SEMA3D: variants seen among roughly 807,000 people sequenced by gnomAD.
The protein encoded by SEMA3D is semaphorin-3D.
In SEMA3D, 84 loss-of-function variants were observed where a neutral mutation model predicts 100.1. The observed-to-expected ratio is 0.84, with a 90% CI of 0.70 to 1.01. The LOEUF is 1.01. Among genes scored for constraint, SEMA3D ranks in the 50% least tolerant of loss-of-function variants. The pLI, the probability that SEMA3D is intolerant of heterozygous loss-of-function variation, is 0.00. For missense variants in SEMA3D, 875 were observed against 934.1 expected (o/e 0.94, Z 0.82); for synonymous variants, 312 against 320.7 (o/e 0.97, Z 0.29).
intron 4 of SEMA3D, among the ~76,000 whole-genome samples, chr7:85,088,387 G>A (rs1788285525): frequency 6.6e-6 from 1 of 152,150 alleles, no homozygotes; most frequent in South Asian, 2.1e-4. Context: ...ATTCAGAGAT[G>A]TCAAAACAAC....
chr7:85,228,794 G>A, the SEMA3D span, among the ~76,000 whole-genome samples: 4 of 151,974 alleles, frequency 2.6e-5, no homozygotes, highest in East Asian at 7.7e-4. Context: ...ATAGAGAGAA[G>A]AAATCATGAA....
chr7:85,031,115 T>A (rs1246589345), intron 12 of SEMA3D, among the ~76,000 whole-genome samples: 1 of 151,788 alleles, frequency 6.6e-6, no homozygotes, highest in Non-Finnish European at 1.5e-5. Flanking sequence ...AAGCTAGGAG[T>A]TTAGGTTTGA....
chr7:85,102,868 A>G (rs1788792029), intron 3 of SEMA3D, among the ~76,000 whole-genome samples: 2 of 152,162 alleles, frequency 1.3e-5, no homozygotes, highest in East Asian at 1.9e-4. Flanking sequence ...AACCAATTCT[A>G]TGGGGTTTAG....
At chr7:85,138,068 G>A (rs1007201123) in intron 2 of SEMA3D, among the ~76,000 whole-genome samples, 30 of 152,068 alleles carry the variant, frequency 2.0e-4, no homozygotes, top group African/African-American at 7.0e-4. Flanking sequence ...CACAGAAAAT[G>A]TATACTCTCT....
At chr7:85,074,489 A>C (rs1387806040) in intron 5 of SEMA3D, among the ~76,000 whole-genome samples, 1 of 152,102 alleles carries the variant, frequency 6.6e-6, no homozygotes, top group East Asian at 1.9e-4. Flanking sequence ...AAATAATATA[A>C]ATTTAATATT....
At chr7:85,057,585 C>G (rs1791356972) in intron 8 of SEMA3D, among the ~76,000 whole-genome samples, 4 of 152,156 alleles carry the variant, frequency 2.6e-5, no homozygotes. Context: ...TGCAAATGTA[C>G]AGCAATTGGC....
At chr7:85,140,332 A>G (rs992049536) in intron 2 of SEMA3D, 8 of 982,776 alleles carry the variant, frequency 8.1e-6, no homozygotes, top group Non-Finnish European at 9.7e-6. Context: ...CGGCATTAGA[A>G]ATCATATAAG....
At chr7:85,014,515 G>A (rs955223272) in intron 16 of SEMA3D, among the ~76,000 whole-genome samples, 2 of 151,672 alleles carry the variant, frequency 1.3e-5, no homozygotes, top group African/African-American at 4.8e-5. Flanking sequence ...AGCACATAAA[G>A]CAATGAACTA....
intron 9 of SEMA3D, chr7:85,050,706 T>C (rs757611193): frequency 8.9e-5 from 45 of 508,334 alleles, no homozygotes; most frequent in African/African-American, 8.6e-4. Flanking sequence ...CAAATTACTT[T>C]GACTATGTTC....
At chr7:85,038,728 C>A (rs1013753749) in intron 11 of SEMA3D, among the ~76,000 whole-genome samples, 1 of 152,088 alleles carries the variant, frequency 6.6e-6, no homozygotes, top group African/African-American at 2.4e-5. Flanking sequence ...AGATACTTGA[C>A]CAGAGGCACT....
the SEMA3D span, among the ~76,000 whole-genome samples, chr7:85,231,471 G>T: frequency 9.8e-6 from 1 of 101,524 alleles, no homozygotes. Flanking sequence ...TTTTTGAGAC[G>T]GAGTCTCGCT....
At chr7:85,062,164 G>A (rs890655689) in intron 8 of SEMA3D, among the ~76,000 whole-genome samples, 8 of 152,150 alleles carry the variant, frequency 5.3e-5, no homozygotes, top group African/African-American at 1.7e-4. Context: ...GTTTAACTAT[G>A]AACTATTATC....
chr7:85,095,709 T>TG (rs1788528923), intron 4 of SEMA3D, among the ~76,000 whole-genome samples: 1 of 152,046 alleles, frequency 6.6e-6, no homozygotes, highest in Non-Finnish European at 1.5e-5. Context: ...TTATTACCTT[T>TG]GCATACATAA....
chr7:85,011,184 T>C (rs1789941942), intron 17 of SEMA3D, among the ~76,000 whole-genome samples: 2 of 151,950 alleles, frequency 1.3e-5, no homozygotes, highest in South Asian at 2.1e-4. Flanking sequence ...TCAACTTATA[T>C]GAGGCCACAT....
the SEMA3D span, among the ~76,000 whole-genome samples, chr7:85,246,277 T>C: frequency 6.6e-6 from 1 of 152,058 alleles, no homozygotes; most frequent in East Asian, 1.9e-4. Flanking sequence ...GCAGACTGAG[T>C]TATTCATTCA....
chr7:85,230,739 C>T, the SEMA3D span, among the ~76,000 whole-genome samples: 1 of 152,142 alleles, frequency 6.6e-6, no homozygotes, highest in South Asian at 2.1e-4. Flanking sequence ...TGAATGTATG[C>T]TTAGTTCATC....
At chr7:85,099,709 G>A (rs1023287960) in intron 3 of SEMA3D, among the ~76,000 whole-genome samples, 1 of 151,712 alleles carries the variant, frequency 6.6e-6, no homozygotes, top group Non-Finnish European at 1.5e-5. Flanking sequence ...CAGTGTTTTC[G>A]ATTTTGGCCA....
the SEMA3D span, among the ~76,000 whole-genome samples, chr7:85,223,482 A>C: frequency 6.6e-6 from 1 of 152,016 alleles, no homozygotes. Flanking sequence ...CTAGCTCAAA[A>C]GCCGATCAAT....
At chr7:85,143,045 C>T in intron 2 of SEMA3D, 3 of 938,708 alleles carry the variant, frequency 3.2e-6, no homozygotes, top group Non-Finnish European at 3.8e-6. Flanking sequence ...ACTCATAATG[C>T]AATAATTATT....
Sources: gnomAD v4.1 joint callset for allele counts (sites outside exome capture counted in the v4.1 genomes callset) on GRCh38, gnomAD v4.1.1 for gene constraint, MANE v1.5 for transcripts, NCBI Gene and HGNC (gene_info 2026-07-23, HGNC 2026-07-21) for gene names.